The following NDUFS1 variants were observed in gnomAD, a reference collection of about 807,000 sequenced individuals.
The protein encoded by NDUFS1 is NADH:ubiquinone oxidoreductase core subunit S1.
Under a neutral mutation model 84.4 loss-of-function variants are expected in NDUFS1, and 61 were observed. That is an observed-to-expected ratio of 0.72 (90% CI 0.59 to 0.89). The LOEUF (loss-of-function observed/expected upper bound fraction) is 0.89, where lower values mean the gene tolerates loss of function less well. NDUFS1 is among the 40% of genes least tolerant of loss of function. The pLI is 0.00. For synonymous variants in NDUFS1, 275 were observed against 290.0 expected (o/e 0.95, Z 0.53); for missense variants, 891 against 890.0 (o/e 1.00, Z -0.01).
chr2:206,124,029 C>G lies in NDUFS1; in HGVS notation c.*156G>C. On this transcript the variant is annotated 3_prime_UTR_variant, in exon 19 of 19. Coordinates refer to ENST00000233190, the MANE Select transcript of NDUFS1 (RefSeq NM_005006.7). ...GTTTTTCAAACTGCAAAGTTGATAA[C>G]TAATATCATTTTCAAATAGGCATAG... The G allele has an allele frequency of 1.6e-6, 1 of 623,274 alleles. No homozygotes were observed. Among genetic ancestry groups the G allele is most frequent in the East Asian group, 2.8e-5 (1 of 36,112 alleles). The allele number at this position is 623,274 out of a possible 1,614,324, so 38.6% of individuals were successfully genotyped here.
At chr2:206,130,442 C>T (rs540193343) in intron 14 of NDUFS1, among the ~76,000 whole-genome samples, 200 bp from the exon 15 acceptor site, 4 of 152,190 alleles carry the variant, frequency 2.6e-5, no homozygotes, top group African/African-American at 9.6e-5. Flanking sequence ...GTAACCTCTG[C>T]CTCCTGGATT....
intron 7 of NDUFS1, 105 bp downstream of exon 7, chr2:206,147,426 C>T: frequency 3.5e-6 from 4 of 1,154,520 alleles, no homozygotes; most frequent in Non-Finnish European, 4.9e-6. Flanking sequence ...CCTCTTCTCC[C>T]ACCCAAAAAA....
chr2:206,140,257 G>T (rs1383281780), intron 12 of NDUFS1, among the ~76,000 whole-genome samples: 1 of 152,020 alleles, frequency 6.6e-6, no homozygotes, highest in Non-Finnish European at 1.5e-5. Context: ...GTTGTGGTGG[G>T]AGCATCATTT....
chr2:206,152,466 C>T lies in NDUFS1; in HGVS notation c.106G>A (p.Val36Ile). The change falls in exon 3 of 19, where the codon GTT (valine) becomes ATT (isoleucine). Residue 36 changes from valine (V) to isoleucine (I), a missense_variant. By Grantham distance (29) the Val-to-Ile change is conservative (BLOSUM62 3). Coordinates refer to ENST00000233190, the MANE Select transcript of NDUFS1 (RefSeq NM_005006.7). ...TCCACCATGACAGACTGACCATCAA[C>T]AAATACTTCAATCAAGTTGCTTGCT... ...TAASNLIEVF[V>I]DGQSVMVEPG... 2 of 1,614,116 alleles carry T rather than the reference C, an allele frequency of 1.2e-6. No individual in the cohort carries two copies. Among genetic ancestry groups the T allele is most frequent in the Non-Finnish European group, 1.7e-6 (2 of 1,180,000 alleles).
rs1690947797 is a variant in NDUFS1, at chr2:206,116,516, G to C, written c.*7669C>G. The C allele has an allele frequency of 2.6e-6, 3 of 1,161,812 alleles. No individual in the cohort carries two copies. The Admixed American group carries it at 6.1e-5, about 24-fold the overall frequency. The allele number at this position is 1,161,812 out of a possible 1,614,324, so 72.0% of individuals were successfully genotyped here. A position where few individuals can be genotyped will look rare whatever the true frequency, so the allele number is the denominator to read the frequency against. ...GCAGCGCCATGTTCCCAGGGGTGCGGGGATGGCAGCGCTACGCCTCAGCCA... is the reference window on the plus strand; with the variant it reads ...GCAGCGCCATGTTCCCAGGGGTGCGCGGATGGCAGCGCTACGCCTCAGCCA... On this transcript the variant is annotated 3_prime_UTR_variant, in exon 19 of 19. Transcript: ENST00000233190.
intron 14 of NDUFS1, 34 bp downstream of exon 14, chr2:206,132,911 A>T: frequency 6.3e-7 from 1 of 1,575,256 alleles, no homozygotes; most frequent in Non-Finnish European, 8.7e-7. Context: ...ACATTACTTG[A>T]ATTTATAGTA....
chr2:206,153,786 T>C (rs1412481703), intron 1 of NDUFS1, 104 bp from the exon 2 acceptor site: 4 of 682,754 alleles, frequency 5.9e-6, no homozygotes, highest in East Asian at 5.6e-5. Context: ...ATTATGTCAT[T>C]GAACACTCAT....
At position 206,116,394 on chromosome 2, in the gene NDUFS1, C is replaced by T; in HGVS notation, c.*7791G>A. ...GGCAGATTACAGTAACCAGACGGCG[C>T]CCATCCCAAGCTGCCAGGGCCTCGA... is the stretch of plus-strand genomic sequence containing the variant. On this transcript the variant is annotated 3_prime_UTR_variant, in exon 19 of 19. Transcript: ENST00000233190. The T allele has an allele frequency of 1.2e-6, 1 of 806,202 alleles. No individual in the cohort carries two copies. The highest frequency in any genetic ancestry group is 2.2e-6 in the Non-Finnish European group (1 of 463,948). 49.9% of individuals were successfully genotyped at this position (806,202 alleles called of 1,614,324 possible). A position where few individuals can be genotyped will look rare whatever the true frequency, so the allele number is the denominator to read the frequency against.
intron 7 of NDUFS1, 85 bp downstream of exon 7, chr2:206,147,444 ATT>A: frequency 7.3e-7 from 1 of 1,367,596 alleles, no homozygotes; most frequent in East Asian, 2.5e-5. Context: ...AAAAGTAGCC[ATT>A]CTTTCCAATG....
intron 14 of NDUFS1, among the ~76,000 whole-genome samples, chr2:206,131,339 T>A (rs944405109): frequency 1.3e-5 from 2 of 152,162 alleles, no homozygotes; most frequent in African/African-American, 4.8e-5. Flanking sequence ...GCTAAAAAAA[T>A]TTATAGTATA....
Position 206,116,739 on chromosome 2 carries a change from T to G in NDUFS1, c.*7446A>C. 4.2e-6 allele frequency: 1 copy of G among 240,296 alleles called. No individual in the cohort carries two copies. The highest frequency in any genetic ancestry group is 8.3e-6 in the Non-Finnish European group (1 of 121,162). 14.9% of individuals were successfully genotyped at this position (240,296 alleles called of 1,614,324 possible). On this transcript the variant is annotated 3_prime_UTR_variant, in exon 19 of 19. Transcript: ENST00000233190. Reference sequence around the variant, plus strand: ...GTCTCTATAAAATATTTTTAAAAATTAGCTGGGCGCGGTGGCTTACGCCTG... The same window carrying G: ...GTCTCTATAAAATATTTTTAAAAATGAGCTGGGCGCGGTGGCTTACGCCTG...
rs536590236 is a variant in NDUFS1, at chr2:206,141,449, G to A, written c.1262+492C>T. On this transcript the variant is annotated intron_variant, in intron 12 of 18. Transcript: ENST00000233190. The stretch of plus-strand genomic sequence containing the variant: ...CGGGAGGCTGAGGCAGGAGAATGGC[G>A]TGAACCCGGGAGGCGGAGCTTGAAG... Among the ~76,000 whole-genome samples the A allele has an allele frequency of 3.3e-5, 5 of 151,902 alleles. No homozygotes were observed. In the South Asian group the frequency reaches 6.2e-4, roughly 19 times the overall value.
chr2:206,138,903 G>A (rs1230807568), intron 12 of NDUFS1, among the ~76,000 whole-genome samples: 1 of 152,104 alleles, frequency 6.6e-6, no homozygotes, highest in Non-Finnish European at 1.5e-5. Flanking sequence ...GATTAATTGA[G>A]GTCAGGAGTT....
chr2:206,154,369 T>A (rs1687546403), intron 1 of NDUFS1, among the ~76,000 whole-genome samples: 1 of 152,206 alleles, frequency 6.6e-6, no homozygotes, highest in Non-Finnish European at 1.5e-5. Context: ...TAGCAATGTC[T>A]GAACACACTG....
chr2:206,135,386 G>A (rs1031354592), intron 13 of NDUFS1, among the ~76,000 whole-genome samples: 3 of 151,866 alleles, frequency 2.0e-5, no homozygotes, highest in Non-Finnish European at 2.9e-5. Flanking sequence ...AGAACAAAAC[G>A]TTCTCAGGCC....
chr2:206,152,950 T>C (rs143828348), intron 2 of NDUFS1, among the ~76,000 whole-genome samples: 3,405 of 152,084 alleles, frequency 0.022, 125 homozygotes, highest in African/African-American at 0.078. Flanking sequence ...GTAATCCTTC[T>C]GCCTCGGCCT....
Position 206,147,294 on chromosome 2 carries a change from T to C in NDUFS1, c.552-206A>G, listed in dbSNP as rs12465764. On this transcript the variant is annotated intron_variant, in intron 7 of 18. Coordinates refer to ENST00000233190, the MANE Select transcript of NDUFS1 (RefSeq NM_005006.7). Reference sequence around the variant, plus strand: ...CAGGCAGAAACTTGTACAAATCATATGTGTACAACTCACCAAGTTATGAGT... The same window carrying C: ...CAGGCAGAAACTTGTACAAATCATACGTGTACAACTCACCAAGTTATGAGT... Among the ~76,000 whole-genome samples, 8,601 of 152,274 alleles carry C rather than the reference T, an allele frequency of 0.056. 323 individuals carry two copies. The highest frequency in any genetic ancestry group is 0.1 in the African/African-American group (4,245 of 41,542).
At position 206,152,405 on chromosome 2, in the gene NDUFS1, G is replaced by C. The variant is rs751644436; in HGVS notation, c.153+14C>G. The C allele has an allele frequency of 6.2e-7, 1 of 1,603,788 alleles. No homozygotes were observed. The highest frequency in any genetic ancestry group is 8.5e-7 in the Non-Finnish European group (1 of 1,170,822). On this transcript the variant is annotated intron_variant, in intron 3 of 18. Transcript: ENST00000233190. ...TCAGAACACACACACAAAATAGTTAGAATGTATGCCTACTTGGAGGACGGT... is the reference window on the plus strand; with the variant it reads ...TCAGAACACACACACAAAATAGTTACAATGTATGCCTACTTGGAGGACGGT...
rs1274221869 is a variant in NDUFS1, at chr2:206,119,651, G to GT, written c.*4533dup. ...TGGTCTCGAAAACTCCTGACCTCAGGTGATCCGCCTGCCTCGGCCTCCCAA... is the reference window on the plus strand; with the variant it reads ...TGGTCTCGAAAACTCCTGACCTCAGGTTGATCCGCCTGCCTCGGCCTCCCAA... On this transcript the variant is annotated 3_prime_UTR_variant, in exon 19 of 19. Transcript: ENST00000233190. The GT allele has an allele frequency of 6.6e-6, 1 of 152,096 alleles. No individual in the cohort carries two copies. Among genetic ancestry groups the GT allele is most frequent in the Non-Finnish European group, 1.5e-5 (1 of 68,044 alleles). The allele number at this position is 152,096 out of a possible 1,614,324, so 9.4% of individuals were successfully genotyped here.
Sources: gnomAD v4.1 joint callset for allele counts (sites outside exome capture counted in the v4.1 genomes callset) on GRCh38, gnomAD v4.1.1 for gene constraint, MANE v1.5 for transcripts, NCBI Gene and HGNC (gene_info 2026-07-23, HGNC 2026-07-21) for gene names.